ACSL3: variants seen among roughly 807,000 people sequenced by gnomAD.
The protein encoded by ACSL3 is fatty acid CoA ligase Acsl3.
ACSL3 carries 34 observed loss-of-function variants against 84.7 expected under a neutral mutation model. The observed-to-expected ratio is 0.40, with a 90% CI of 0.31 to 0.53. The LOEUF is 0.53. Among genes scored for constraint, ACSL3 ranks in the 20% least tolerant of loss-of-function variants. The pLI, the probability that ACSL3 is intolerant of heterozygous loss-of-function variation, is 0.48. For synonymous variants in ACSL3, 315 were observed against 299.4 expected (o/e 1.05, Z -0.54); for missense variants, 680 against 873.1 (o/e 0.78, Z 2.79).
rs762804255 is a variant in ACSL3, at chr2:222,908,949, T to C, written c.177T>C (p.Pro59=). 1.2e-5 allele frequency: 19 copies of C among 1,613,330 alleles called. No individual in the cohort carries two copies. The highest frequency in any genetic ancestry group is 3.3e-5 in the Admixed American group (2 of 59,906). Residue 59 remains proline (P), a synonymous_variant, in exon 4 of 17, where the codon CCT becomes CCC. Transcript: ENST00000357430. ...AATCAAACCGAATTAAAGCAAAGCC[T>C]GTAAATTCAAAACCTGATTCTGCAT... ...QEKSNRIKAK[P]VNSKPDSAYR...
intron 1 of ACSL3, among the ~76,000 whole-genome samples, chr2:222,878,073 C>G (rs751806562): frequency 1.3e-5 from 2 of 152,122 alleles, no homozygotes; most frequent in Non-Finnish European, 2.9e-5. Flanking sequence ...CAGTGCCCAG[C>G]GTATAGGAGA....
intron 16 of ACSL3, among the ~76,000 whole-genome samples, chr2:222,941,229 T>C (rs527421009): frequency 1.3e-5 from 2 of 152,292 alleles, no homozygotes; most frequent in South Asian, 2.1e-4. Context: ...CATGCCTGGC[T>C]CTAACTCGTT....
At chr2:222,875,862 C>T (rs917364890) in intron 1 of ACSL3, among the ~76,000 whole-genome samples, 1 of 151,924 alleles carries the variant, frequency 6.6e-6, no homozygotes, top group Admixed American at 6.6e-5. Flanking sequence ...TTTTGTTTTT[C>T]CCTGTTTTAA....
At chr2:222,909,347 C>T (rs980154693) in intron 4 of ACSL3, among the ~76,000 whole-genome samples, 197 bp downstream of exon 4, 29 of 152,130 alleles carry the variant, frequency 1.9e-4, no homozygotes, top group East Asian at 3.9e-4. Flanking sequence ...AGAAGGACAT[C>T]GCAACCCAGT....
chr2:222,903,520 C>A (rs913242810), intron 3 of ACSL3, among the ~76,000 whole-genome samples: 5 of 152,136 alleles, frequency 3.3e-5, no homozygotes, highest in Non-Finnish European at 7.4e-5. Flanking sequence ...TTATTTAGTT[C>A]TTTTGATACT....
chr2:222,864,774 A>G (rs1695097620), intron 1 of ACSL3, among the ~76,000 whole-genome samples: 1 of 152,134 alleles, frequency 6.6e-6, no homozygotes, highest in Non-Finnish European at 1.5e-5. Flanking sequence ...GAGTTCCTAA[A>G]AGGATGGGGT....
intron 1 of ACSL3, among the ~76,000 whole-genome samples, chr2:222,871,917 C>T (rs1695313119): frequency 6.6e-6 from 1 of 152,212 alleles, no homozygotes; most frequent in East Asian, 1.9e-4. Flanking sequence ...TTTTGCTTCT[C>T]TGCTTTATCT....
chr2:222,940,380 C>T (rs1697270860), intron 16 of ACSL3, among the ~76,000 whole-genome samples: 1 of 152,064 alleles, frequency 6.6e-6, no homozygotes, highest in Non-Finnish European at 1.5e-5. Flanking sequence ...CTCCTGGATA[C>T]CAGGCTCTAG....
intron 16 of ACSL3, among the ~76,000 whole-genome samples, chr2:222,939,250 G>A (rs376857086): frequency 2.6e-5 from 4 of 152,112 alleles, no homozygotes; most frequent in African/African-American, 7.2e-5. Context: ...GTCTGCTTTT[G>A]TATTGAGAGG....
intron 3 of ACSL3, among the ~76,000 whole-genome samples, chr2:222,907,237 A>G (rs1034120641): frequency 2.6e-5 from 4 of 152,192 alleles, no homozygotes; most frequent in Non-Finnish European, 4.4e-5. Flanking sequence ...CCTTGGCCTG[A>G]TGCATCTGGG....
intron 2 of ACSL3, among the ~76,000 whole-genome samples, chr2:222,890,062 A>T (rs771631148): frequency 6.6e-6 from 1 of 152,240 alleles, no homozygotes; most frequent in African/African-American, 2.4e-5. Flanking sequence ...GGATGTTTAA[A>T]CCTTATTTTT....
chr2:222,876,303 T>G (rs1042261302), intron 1 of ACSL3, among the ~76,000 whole-genome samples: 1 of 149,658 alleles, frequency 6.7e-6, no homozygotes, highest in Non-Finnish European at 1.5e-5. Flanking sequence ...TGCTTTATGG[T>G]TTTTTTTGTT....
intron 4 of ACSL3, among the ~76,000 whole-genome samples, chr2:222,913,265 T>C (rs967540538): frequency 5.9e-5 from 9 of 151,966 alleles, no homozygotes; most frequent in African/African-American, 2.2e-4. Flanking sequence ...TCTTTTCCTC[T>C]TTCTTAATGC....
At chr2:222,923,222 A>C in intron 10 of ACSL3, 73 bp downstream of exon 10, 1 of 1,234,334 alleles carries the variant, frequency 8.1e-7, no homozygotes, top group Non-Finnish European at 1.2e-6. Context: ...GTGCTAGTGA[A>C]AAATATATTG....
intron 5 of ACSL3, among the ~76,000 whole-genome samples, chr2:222,917,046 GA>G (rs1696602920): frequency 6.6e-6 from 1 of 152,192 alleles, no homozygotes; most frequent in Non-Finnish European, 1.5e-5. Context: ...AGATGAAACA[GA>G]AAATACACTT....
intron 7 of ACSL3, 46 bp downstream of exon 7, chr2:222,919,248 A>G: frequency 1.9e-6 from 3 of 1,598,630 alleles, no homozygotes; most frequent in Non-Finnish European, 2.6e-6. Context: ...TCTGGTGACC[A>G]CATTCTCCAG....
chr2:222,885,812 G>A (rs1467415833), intron 1 of ACSL3, among the ~76,000 whole-genome samples: 1 of 151,844 alleles, frequency 6.6e-6, no homozygotes, highest in East Asian at 1.9e-4. Context: ...GCATGATCTC[G>A]GCTTAACGCA....
chr2:222,894,977 G>A (rs795885), intron 2 of ACSL3, among the ~76,000 whole-genome samples: 138,511 of 151,936 alleles, frequency 0.91, 63,249 homozygotes, highest in East Asian at 0.98. Context: ...TTCAGACTAT[G>A]TTACTACTAG....
In ACSL3 at chr2:222,942,582, T is replaced by A. The variant is rs977978400; in HGVS notation, c.*928T>A. 1 of 197,436 alleles carries A rather than the reference T, an allele frequency of 5.1e-6. No homozygotes were observed. Among genetic ancestry groups the A allele is most frequent in the Non-Finnish European group, 1.0e-5 (1 of 95,642 alleles). 12.2% of individuals were successfully genotyped at this position (197,436 alleles called of 1,614,324 possible). On this transcript the variant is annotated 3_prime_UTR_variant, in exon 17 of 17. Transcript: ENST00000357430. ...GAGTTATCTATATTTGTAAACAAAT[T>A]AGTCATGGAAAATTATTCTATCTCA... is the stretch of plus-strand genomic sequence containing the variant.
Sources: allele counts gnomAD v4.1 joint callset (sites outside exome capture counted in the v4.1 genomes callset), GRCh38; gene constraint gnomAD v4.1.1; transcripts MANE v1.5; gene names NCBI Gene and HGNC (gene_info 2026-07-23, HGNC 2026-07-21).